The following USP34 variants were observed in gnomAD, a reference collection of about 807,000 sequenced individuals.
USP34 encodes ubiquitin specific peptidase 34, also known as ubiquitin carboxyl-terminal hydrolase 34.
In USP34, 70 loss-of-function variants were observed where a neutral mutation model predicts 460.3. The ratio of observed to expected loss-of-function variants is 0.15; its 90% CI spans 0.13 to 0.19. The LOEUF (loss-of-function observed/expected upper bound fraction) is 0.19, where lower values mean the gene tolerates loss of function less well. Ranked by LOEUF, USP34 falls within the 10% of genes least tolerant of loss-of-function variation. The pLI, the probability that USP34 is intolerant of heterozygous loss-of-function variation, is 1.00. For missense variants in USP34, 3,985 were observed against 4,236.2 expected, an observed-to-expected ratio of 0.94 and a Z score of 1.65; for synonymous variants, 1,647 against 1,405.3, an observed-to-expected ratio of 1.17 and a Z score of -3.85.
At chr2:61,391,285 G>A (rs1057009841) in intron 5 of USP34, among the ~76,000 whole-genome samples, 2 of 151,790 alleles carry the variant, frequency 1.3e-5, no homozygotes, top group African/African-American at 4.8e-5. Flanking sequence ...ACCTCTACCA[G>A]AAACACAAAA....
At chr2:61,339,761 CAAAGA>C in intron 16 of USP34, 80 bp from the exon 17 acceptor site, 1 of 630,742 alleles carries the variant, frequency 1.6e-6, no homozygotes, top group Non-Finnish European at 2.4e-6. Context: ...TTAGCAAATC[CAAAGA>C]AAAGTACACG....
intron 67 of USP34, among the ~76,000 whole-genome samples, chr2:61,216,024 T>C (rs530331772): frequency 6.6e-5 from 10 of 152,206 alleles, no homozygotes; most frequent in Non-Finnish European, 1.5e-4. Context: ...TCTCCCCCTA[T>C]TCTAACTATA....
At chr2:61,293,365 T>C in intron 33 of USP34, 99 bp downstream of exon 33, 1 of 792,140 alleles carries the variant, frequency 1.3e-6, no homozygotes, top group Non-Finnish European at 2.0e-6. Flanking sequence ...TACTTTATTA[T>C]AAGGAACTAT....
chr2:61,446,858 C>G (rs541973566), intron 1 of USP34, among the ~76,000 whole-genome samples: 3 of 151,818 alleles, frequency 2.0e-5, no homozygotes, highest in African/African-American at 7.2e-5. Context: ...TTTGCCCATG[C>G]ATAATTTTAT....
At chr2:61,328,523 G>C (rs185900212) in intron 20 of USP34, among the ~76,000 whole-genome samples, 203 of 152,200 alleles carry the variant, frequency 1.3e-3, no homozygotes, top group Non-Finnish European at 1.9e-3. Flanking sequence ...ACAGCCTGAA[G>C]GAATAGGGAA....
intron 5 of USP34, among the ~76,000 whole-genome samples, chr2:61,386,168 C>G (rs147657977): frequency 6.6e-6 from 1 of 152,000 alleles, no homozygotes; most frequent in Non-Finnish European, 1.5e-5. Context: ...TAAAAACATC[C>G]GATTTGGCTC....
At chr2:61,294,345 CA>C (rs201385955) in intron 32 of USP34, among the ~76,000 whole-genome samples, 24,698 of 134,540 alleles carry the variant, frequency 0.18, 2,536 homozygotes, top group African/African-American at 0.32. Context: ...GACTCCATTT[CA>C]AAAAAAAAAA....
chr2:61,265,879 A>C lies in USP34; in HGVS notation c.5617+105T>G. 4 of 1,069,622 alleles carry C rather than the reference A, an allele frequency of 3.7e-6. No homozygotes were observed. In the South Asian group the frequency reaches 1.2e-4, roughly 32 times the overall value. 66.3% of individuals were successfully genotyped at this position (1,069,622 alleles called of 1,614,324 possible). On this transcript the variant is annotated intron_variant, in intron 42 of 79. Coordinates refer to ENST00000398571, the MANE Select transcript of USP34 (RefSeq NM_014709.4). The stretch of plus-strand genomic sequence containing the variant: ...AACACCCTACCAATAATCATTTATA[A>C]TGTTAAAGTGTGTGAAGAGCAGATT...
At chr2:61,432,077 A>G (rs976284951) in intron 1 of USP34, among the ~76,000 whole-genome samples, 1 of 151,874 alleles carries the variant, frequency 6.6e-6, no homozygotes, top group Non-Finnish European at 1.5e-5. Context: ...GTAGCAGCTC[A>G]CGCCTGTAAT....
intron 5 of USP34, among the ~76,000 whole-genome samples, chr2:61,391,026 C>T (rs1038413546): frequency 1.3e-5 from 2 of 151,540 alleles, no homozygotes; most frequent in African/African-American, 2.4e-5. Flanking sequence ...ATCTGGGAGG[C>T]GGAGGCTGAG....
chr2:61,259,254 G>C (rs757448870), intron 44 of USP34, among the ~76,000 whole-genome samples: 20 of 151,912 alleles, frequency 1.3e-4, no homozygotes, highest in Admixed American at 7.9e-4. Flanking sequence ...GCAAGACTCT[G>C]TCTCAAAATA....
intron 23 of USP34, among the ~76,000 whole-genome samples, chr2:61,315,797 A>G (rs748525472): frequency 2.0e-5 from 3 of 152,218 alleles, no homozygotes; most frequent in Admixed American, 6.5e-5. Flanking sequence ...ATTTCCTTCT[A>G]AATTGGCAGC....
At chr2:61,262,391 T>C (rs533788963) in intron 43 of USP34, among the ~76,000 whole-genome samples, 1 of 152,264 alleles carries the variant, frequency 6.6e-6, no homozygotes, top group South Asian at 2.1e-4. Context: ...TGTGTCCATA[T>C]GTACTCAATA....
At chr2:61,372,818 T>C (rs1342632015) in intron 8 of USP34, among the ~76,000 whole-genome samples, 2 of 152,016 alleles carry the variant, frequency 1.3e-5, no homozygotes, top group African/African-American at 4.8e-5. Flanking sequence ...ATACATGCAA[T>C]GGGGGTCAAA....
chr2:61,452,694 G>A (rs2104069744), intron 1 of USP34, among the ~76,000 whole-genome samples: 1 of 151,400 alleles, frequency 6.6e-6, no homozygotes, highest in Admixed American at 6.6e-5. Flanking sequence ...GACCCACCTG[G>A]GAAACACAAA....
chr2:61,257,782 C>T (rs1047010491), intron 44 of USP34, among the ~76,000 whole-genome samples: 1 of 152,128 alleles, frequency 6.6e-6, no homozygotes, highest in Non-Finnish European at 1.5e-5. Context: ...TTGCGCATGC[C>T]TGTAGTCCCA....
At chr2:61,353,392 A>ATTTTTTTTTTTTTT (rs1282016277) in intron 10 of USP34, among the ~76,000 whole-genome samples, 1 of 143,872 alleles carries the variant, frequency 7.0e-6, no homozygotes. Flanking sequence ...TCCTAGACGA[A>ATTTTTTTTTTTTTT]TGTTTTTTTT....
intron 41 of USP34, among the ~76,000 whole-genome samples, chr2:61,268,097 T>TAGGTTGAACCTACACAGTATATGA (rs1689106162): frequency 1.3e-5 from 2 of 152,110 alleles, no homozygotes; most frequent in Non-Finnish European, 2.9e-5. Flanking sequence ...AACCTACTCA[T>TAGGTTGAACCTACACAGTATATGA]ATACTTCACA....
intron 10 of USP34, among the ~76,000 whole-genome samples, chr2:61,365,081 G>A (rs1161885810): frequency 4.6e-5 from 7 of 151,912 alleles, no homozygotes; most frequent in East Asian, 1.9e-4. Flanking sequence ...GTGAAATCCC[G>A]TCTCTACTAA....
Sources: gnomAD v4.1 joint callset for allele counts (sites outside exome capture counted in the v4.1 genomes callset) on GRCh38, gnomAD v4.1.1 for gene constraint, MANE v1.5 for transcripts, NCBI Gene and HGNC (gene_info 2026-07-23, HGNC 2026-07-21) for gene names.